The following WDHD1 variants were observed in gnomAD, a reference collection of about 807,000 sequenced individuals.
The protein encoded by WDHD1 is WD repeat and HMG-box DNA binding protein 1.
WDHD1 carries 111 observed loss-of-function variants against 135.4 expected under a neutral mutation model. That is an observed-to-expected ratio of 0.82 (90% CI 0.70 to 0.96). The LOEUF is 0.96. Ranked by LOEUF, WDHD1 falls within the 40% of genes least tolerant of loss-of-function variation. WDHD1 has a pLI of 0.00. For missense variants in WDHD1, 1,351 were observed against 1,336.3 expected (o/e 1.01, Z -0.17); for synonymous variants, 434 against 439.0 (o/e 0.99, Z 0.14).
At chr14:54,983,081 T>C (rs1249066496) in intron 15 of WDHD1, among the ~76,000 whole-genome samples, 5 of 152,128 alleles carry the variant, frequency 3.3e-5, no homozygotes, top group Non-Finnish European at 5.9e-5. Context: ...CGAGAATCAC[T>C]TGAACCCAGA....
chr14:54,953,645 T>G (rs1480458703), intron 24 of WDHD1, among the ~76,000 whole-genome samples: 2 of 152,172 alleles, frequency 1.3e-5, no homozygotes, highest in African/African-American at 4.8e-5. Flanking sequence ...GGATTATAAA[T>G]CATGCTGCTA....
intron 3 of WDHD1, among the ~76,000 whole-genome samples, chr14:55,012,960 T>C (rs1282407110): frequency 6.6e-6 from 1 of 151,892 alleles, no homozygotes; most frequent in East Asian, 1.9e-4. Context: ...GAGTTTTCCC[T>C]TAAAGGAAAA....
chr14:55,003,267 T>TG (rs1170057312), intron 7 of WDHD1, among the ~76,000 whole-genome samples: 1 of 152,060 alleles, frequency 6.6e-6, no homozygotes, highest in Non-Finnish European at 1.5e-5. Context: ...CTCAGCACTT[T>TG]GGGAGGCTGA....
intron 10 of WDHD1, among the ~76,000 whole-genome samples, chr14:54,998,843 C>T (rs1031612753): frequency 4.6e-5 from 7 of 152,256 alleles, no homozygotes; most frequent in South Asian, 2.1e-4. Context: ...CATGTAAATG[C>T]TATTCATGGC....
intron 15 of WDHD1, among the ~76,000 whole-genome samples, chr14:54,982,168 A>G (rs888134134): frequency 2.0e-5 from 3 of 151,570 alleles, no homozygotes; most frequent in Non-Finnish European, 4.4e-5. Context: ...CACCACGCCC[A>G]GCTAATTTTT....
chr14:55,027,017 T>G lies in WDHD1; in HGVS notation c.-17+11A>C. On this transcript the variant is annotated intron_variant, in intron 1 of 25. Transcript: ENST00000360586. Reference sequence around the variant, plus strand: ...CCTTGGTGGACGCGGGCAGCCGGAGTGGGGACTCACCCGGGTGACCGAGCC... The same window carrying G: ...CCTTGGTGGACGCGGGCAGCCGGAGGGGGGACTCACCCGGGTGACCGAGCC... 1 of 535,112 alleles carries G rather than the reference T, an allele frequency of 1.9e-6. No homozygotes were observed. The highest frequency in any genetic ancestry group is 3.4e-6 in the Non-Finnish European group (1 of 297,346). The allele number at this position is 535,112 out of a possible 1,614,324, so 33.1% of individuals were successfully genotyped here. A position where few individuals can be genotyped will look rare whatever the true frequency, so the allele number is the denominator to read the frequency against.
At chr14:54,988,663 TC>T (rs373758820) in intron 13 of WDHD1, among the ~76,000 whole-genome samples, 5 of 152,122 alleles carry the variant, frequency 3.3e-5, no homozygotes, top group Non-Finnish European at 5.9e-5. Context: ...GGAGGAGTTT[TC>T]ATTTTCCGAA....
At position 54,972,604 on chromosome 14, in the gene WDHD1, T is replaced by A. The variant is rs2041459105; in HGVS notation, c.2064-5210A>T. On this transcript the variant is annotated intron_variant, in intron 16 of 25. Coordinates refer to ENST00000360586, the MANE Select transcript of WDHD1 (RefSeq NM_007086.4). ...AAAAAAAAAAAATGCCAATGAGGCA[T>A]ATTCACTTTCATCCATCAGTTTGGG... 1.4e-4 allele frequency among the ~76,000 whole-genome samples: 16 copies of A among 116,998 alleles called. 1 individual carries two copies. The highest frequency in any genetic ancestry group is 2.9e-4 in the South Asian group (1 of 3,416). The allele number at this position is 116,998 out of a possible 152,430, so 76.8% of individuals were successfully genotyped here.
At chr14:54,967,950 C>T (rs1484477488) in intron 16 of WDHD1, among the ~76,000 whole-genome samples, 2 of 152,158 alleles carry the variant, frequency 1.3e-5, no homozygotes, top group Non-Finnish European at 2.9e-5. Flanking sequence ...ATGACAACCA[C>T]TAAAAGTGAA....
At chr14:54,969,185 C>A (rs1296333822) in intron 16 of WDHD1, among the ~76,000 whole-genome samples, 2 of 151,964 alleles carry the variant, frequency 1.3e-5, no homozygotes, top group Non-Finnish European at 2.9e-5. Context: ...ACTACAGGTG[C>A]CCACCACCAC....
At chr14:55,004,281 C>T (rs1566738016) in intron 7 of WDHD1, among the ~76,000 whole-genome samples, 1 of 152,056 alleles carries the variant, frequency 6.6e-6, no homozygotes, top group Non-Finnish European at 1.5e-5. Flanking sequence ...TTTCCATATA[C>T]ATTTGGTTCT....
intron 11 of WDHD1, 92 bp from the exon 12 acceptor site, chr14:54,991,492 A>G: frequency 1.6e-6 from 2 of 1,219,100 alleles, no homozygotes; most frequent in Non-Finnish European, 2.3e-6. Flanking sequence ...TTTTTCATTC[A>G]TATTCAATGA....
At chr14:54,978,606 G>A (rs2041565466) in intron 16 of WDHD1, among the ~76,000 whole-genome samples, 1 of 151,468 alleles carries the variant, frequency 6.6e-6, no homozygotes, top group Non-Finnish European at 1.5e-5. Context: ...AACCGTTAAT[G>A]AATATACTTC....
chr14:55,017,970 T>A (rs1386695371), intron 2 of WDHD1, among the ~76,000 whole-genome samples: 1 of 151,822 alleles, frequency 6.6e-6, no homozygotes, highest in African/African-American at 2.4e-5. Context: ...GAAAAACTAC[T>A]AGACCTCCTG....
chr14:55,005,298 G>T, intron 7 of WDHD1: 1 of 548,754 alleles, frequency 1.8e-6, no homozygotes, highest in South Asian at 1.4e-5. Flanking sequence ...AGAGGCTGGT[G>T]ATCAGCACTG....
At chr14:55,018,617 G>T (rs184498248) in intron 2 of WDHD1, among the ~76,000 whole-genome samples, 67 of 152,216 alleles carry the variant, frequency 4.4e-4, no homozygotes, top group African/African-American at 1.6e-3. Flanking sequence ...GAGATAAAAA[G>T]ACAGAACCTA....
chr14:55,018,123 C>G, intron 2 of WDHD1, among the ~76,000 whole-genome samples: 1 of 152,062 alleles, frequency 6.6e-6, no homozygotes, highest in East Asian at 1.9e-4. Context: ...GAAGAGCGAG[C>G]GACTCTGTAA....
intron 3 of WDHD1, among the ~76,000 whole-genome samples, chr14:55,012,743 G>C (rs554414229): frequency 6.6e-6 from 1 of 152,208 alleles, no homozygotes; most frequent in Admixed American, 6.5e-5. Context: ...GGGCGAGAGG[G>C]AGAGCAAGAG....
intron 10 of WDHD1, among the ~76,000 whole-genome samples, chr14:54,998,269 T>C (rs962109711): frequency 2.0e-5 from 3 of 152,002 alleles, no homozygotes; most frequent in Non-Finnish European, 2.9e-5. Flanking sequence ...CGATAAAATG[T>C]TCACAGATGT....
Sources: allele counts gnomAD v4.1 joint callset (sites outside exome capture counted in the v4.1 genomes callset), GRCh38; gene constraint gnomAD v4.1.1; transcripts MANE v1.5; gene names NCBI Gene and HGNC (gene_info 2026-07-23, HGNC 2026-07-21).